The following SCAI variants were observed in gnomAD, a reference collection of about 807,000 sequenced individuals.
SCAI encodes the protein suppressor of cancer cell invasion, also known as protein SCAI.
SCAI carries 24 observed loss-of-function variants against 92.2 expected under a neutral mutation model. The ratio of observed to expected loss-of-function variants is 0.26; its 90% CI spans 0.19 to 0.37. The LOEUF is 0.37. SCAI is among the 10% of genes least tolerant of loss of function. SCAI has a pLI of 1.00. For synonymous variants in SCAI, 261 were observed against 258.6 expected (o/e 1.01, Z -0.09); for missense variants, 450 against 736.2 (o/e 0.61, Z 4.50).
intron 3 of SCAI, among the ~76,000 whole-genome samples, chr9:125,030,617 C>A (rs776179205): frequency 1.3e-5 from 2 of 152,280 alleles, no homozygotes; most frequent in Admixed American, 1.3e-4. Context: ...GTGACACCTG[C>A]AATTGCGACT....
chr9:125,051,373 T>C (rs1390330491), intron 3 of SCAI, among the ~76,000 whole-genome samples: 5 of 152,160 alleles, frequency 3.3e-5, no homozygotes, highest in Non-Finnish European at 5.9e-5. Context: ...ACACTGAAAA[T>C]ATATCTGTGG....
At position 125,128,732 on chromosome 9, in the gene SCAI, G is replaced by A. The variant is rs189087352; in HGVS notation, c.98+13901C>T. Among the ~76,000 whole-genome samples, 22 of 146,394 alleles carry A rather than the reference G, an allele frequency of 1.5e-4. No homozygotes were observed. In the East Asian group the frequency reaches 3.5e-3, roughly 23 times the overall value. On this transcript the variant is annotated intron_variant, in intron 2 of 17. Transcript: ENST00000336505. ...TGTGCCACTGCACTCCAGCCTGGGC[G>A]ACAGAGCGAAACTCCGTCTCAAAAA... is the stretch of plus-strand genomic sequence containing the variant.
chr9:125,091,907 C>T lies in SCAI; in HGVS notation c.99-35900G>A, dbSNP rs1456518407. ...CGAGCAGATCACGAGGTCAGGAGATCGAGACCATCCTGGCTAACACGATGA... is the reference window on the plus strand; with the variant it reads ...CGAGCAGATCACGAGGTCAGGAGATTGAGACCATCCTGGCTAACACGATGA... On this transcript the variant is annotated intron_variant, in intron 2 of 17. Coordinates refer to ENST00000336505, the MANE Select transcript of SCAI (RefSeq NM_001144877.3). The surrounding 1 kb of genome is among the most constrained non-coding windows in gnomAD (Gnocchi z 4.3). Among the ~76,000 whole-genome samples, 1 of 151,810 alleles carries T rather than the reference C, an allele frequency of 6.6e-6. No individual in the cohort carries two copies. The highest frequency in any genetic ancestry group is 2.4e-5 in the African/African-American group (1 of 41,302).
At chr9:125,062,477 G>A (rs866397890) in intron 2 of SCAI, among the ~76,000 whole-genome samples, 4 of 150,916 alleles carry the variant, frequency 2.7e-5, no homozygotes, top group Middle Eastern at 3.4e-3. Flanking sequence ...CAGGCTGGGC[G>A]CAGTGGCTCA....
chr9:125,021,100 T>G (rs535226966), intron 6 of SCAI, among the ~76,000 whole-genome samples: 2 of 152,250 alleles, frequency 1.3e-5, no homozygotes, highest in African/African-American at 4.8e-5. Flanking sequence ...AGGAGAGAGA[T>G]AAATGCTTAC....
chr9:124,982,300 CCTAA>C (rs566611099), intron 14 of SCAI, among the ~76,000 whole-genome samples: 30 of 152,216 alleles, frequency 2.0e-4, no homozygotes, highest in African/African-American at 7.0e-4. Context: ...TATTTTGTGG[CCTAA>C]CTGCTACAGA....
At chr9:125,110,875 G>T (rs567077736) in intron 2 of SCAI, among the ~76,000 whole-genome samples, 2 of 152,000 alleles carry the variant, frequency 1.3e-5, no homozygotes, top group African/African-American at 4.8e-5. Context: ...GAGTAAAAGC[G>T]CCCTGAGGCC....
intron 9 of SCAI, among the ~76,000 whole-genome samples, chr9:125,006,894 G>GA (rs1832522114): frequency 6.6e-6 from 1 of 151,886 alleles, no homozygotes; most frequent in Admixed American, 6.6e-5. Flanking sequence ...TGAGGCAGGT[G>GA]AATCACCTAA....
intron 2 of SCAI, among the ~76,000 whole-genome samples, chr9:125,087,720 C>CA (rs1156785452): frequency 6.6e-6 from 1 of 151,790 alleles, no homozygotes; most frequent in East Asian, 1.9e-4. Context: ...TCATTAAAAG[C>CA]AAAAAAATCC....
Position 124,952,769 on chromosome 9 carries a change from G to T in SCAI, c.*38C>A. 6.4e-7 allele frequency: 1 copy of T among 1,570,702 alleles called. No individual in the cohort carries two copies. Among genetic ancestry groups the T allele is most frequent in the Non-Finnish European group, 8.7e-7 (1 of 1,148,936 alleles). On this transcript the variant is annotated 3_prime_UTR_variant, in exon 18 of 18. Transcript: ENST00000336505. The stretch of plus-strand genomic sequence containing the variant: ...GAAAACTGCACCATTTAAAATTTGT[G>T]GAAAATGAAAACTTGTTTCGACAAC...
rs981398691 is a variant in SCAI at position 124,990,043 on chromosome 9, G to A, written c.1326+4891C>T. Reference sequence around the variant, plus strand: ...TACAAAATTAGCCAGGTGTGGTGGCGTGCACCTGTAATCCGAGCTACTCAG... The same window carrying A: ...TACAAAATTAGCCAGGTGTGGTGGCATGCACCTGTAATCCGAGCTACTCAG... On this transcript the variant is annotated intron_variant, in intron 14 of 17. Coordinates refer to ENST00000336505, the MANE Select transcript of SCAI (RefSeq NM_001144877.3). 4.0e-5 allele frequency among the ~76,000 whole-genome samples: 6 copies of A among 148,720 alleles called. No homozygotes were observed. In the South Asian group the frequency reaches 1.3e-3, roughly 32 times the overall value.
intron 15 of SCAI, chr9:124,974,359 GATC>G: frequency 8.9e-6 from 3 of 338,744 alleles, no homozygotes; most frequent in Non-Finnish European, 1.7e-5. Context: ...GAAGTGGGAG[GATC>G]ACCTGAGCCC....
chr9:125,070,397 C>CTTT (rs34011891), intron 2 of SCAI, among the ~76,000 whole-genome samples: 24 of 118,286 alleles, frequency 2.0e-4, no homozygotes, highest in Non-Finnish European at 3.7e-4. Flanking sequence ...TAAAAACAAT[C>CTTT]TTTTTTTTTT....
At chr9:125,055,765 G>T in intron 3 of SCAI, 111 bp downstream of exon 3, 1 of 798,534 alleles carries the variant, frequency 1.3e-6, no homozygotes, top group Non-Finnish European at 1.9e-6. Context: ...CTCTAATACA[G>T]AAATTTATAT....
At chr9:124,961,660 A>G (rs1451764114) in intron 17 of SCAI, among the ~76,000 whole-genome samples, 1 of 151,624 alleles carries the variant, frequency 6.6e-6, no homozygotes, top group Admixed American at 6.6e-5. Flanking sequence ...AAAAAAAAAA[A>G]AAAAAGATCT....
chr9:124,982,892 C>G (rs569247211), intron 14 of SCAI, among the ~76,000 whole-genome samples: 1 of 152,098 alleles, frequency 6.6e-6, no homozygotes, highest in Admixed American at 6.6e-5. Context: ...GGTGTGGTGG[C>G]TCATAATCCC....
chr9:125,079,550 C>T (rs540960557), intron 2 of SCAI, among the ~76,000 whole-genome samples: 2 of 152,236 alleles, frequency 1.3e-5, no homozygotes, highest in South Asian at 4.1e-4. Flanking sequence ...AATCAAATTT[C>T]ATACAGAAAG....
At chr9:125,027,677 C>A (rs536576020) in intron 5 of SCAI, among the ~76,000 whole-genome samples, 2 of 152,122 alleles carry the variant, frequency 1.3e-5, no homozygotes, top group African/African-American at 4.8e-5. Context: ...CCTGCCACCA[C>A]ACTTGGCTAA....
chr9:125,116,199 T>TA (rs1040805857), intron 2 of SCAI, among the ~76,000 whole-genome samples: 3 of 151,308 alleles, frequency 2.0e-5, no homozygotes, highest in Non-Finnish European at 4.4e-5. Flanking sequence ...AAAATTAATT[T>TA]AAAAAAAAAG....
Sources: gnomAD v4.1 joint callset for allele counts (sites outside exome capture counted in the v4.1 genomes callset) on GRCh38, gnomAD v4.1.1 for gene constraint, Gnocchi (gnomAD v3.1) non-coding constraint, MANE v1.5 for transcripts, NCBI Gene and HGNC (gene_info 2026-07-23, HGNC 2026-07-21) for gene names.